RHBDD1: variants seen among roughly 807,000 people sequenced by gnomAD.
The protein encoded by RHBDD1 is rhomboid-related protein 4.
A neutral mutation model predicts 36.3 loss-of-function variants in RHBDD1; 38 were observed. That is an observed-to-expected ratio of 1.05 (90% CI 0.81 to 1.37). The LOEUF (loss-of-function observed/expected upper bound fraction) is 1.37, where lower values mean the gene tolerates loss of function less well. RHBDD1 is among the 40% of genes most tolerant of loss of function. RHBDD1 has a pLI of 0.00. For synonymous variants in RHBDD1, 151 were observed against 136.5 expected (o/e 1.11, Z -0.74); for missense variants, 393 against 377.6 (o/e 1.04, Z -0.34).
intron 5 of RHBDD1, among the ~76,000 whole-genome samples, chr2:226,895,416 G>A (rs2125537715): frequency 6.6e-6 from 1 of 152,284 alleles, no homozygotes; most frequent in South Asian, 2.1e-4. Context: ...TTGCAGAGAA[G>A]ATGGAGAGGA....
At chr2:226,847,949 T>C (rs1942401132) in intron 3 of RHBDD1, among the ~76,000 whole-genome samples, 1 of 152,182 alleles carries the variant, frequency 6.6e-6, no homozygotes, top group Admixed American at 6.5e-5. Context: ...CCTAAAGTCC[T>C]CCCAGCCAGA....
At chr2:226,817,571 C>T in the RHBDD1 span, among the ~76,000 whole-genome samples, 1 of 152,174 alleles carries the variant, frequency 6.6e-6, no homozygotes, top group South Asian at 2.1e-4. Flanking sequence ...TGTAATTGAA[C>T]AACCCAAATA....
chr2:226,844,219 A>G (rs533017815), intron 3 of RHBDD1, among the ~76,000 whole-genome samples: 97 of 152,320 alleles, frequency 6.4e-4, no homozygotes, highest in African/African-American at 2.2e-3. Context: ...TATTATTCCA[A>G]CTTTGGTCAC....
chr2:226,973,644 A>T (rs1954003034), intron 8 of RHBDD1, among the ~76,000 whole-genome samples: 1 of 152,226 alleles, frequency 6.6e-6, no homozygotes, highest in Non-Finnish European at 1.5e-5. Flanking sequence ...TTCCAGAGAC[A>T]AAGGTAAGTT....
chr2:226,958,774 G>A (rs1010692780), intron 8 of RHBDD1, among the ~76,000 whole-genome samples: 3 of 148,842 alleles, frequency 2.0e-5, no homozygotes, highest in African/African-American at 4.9e-5. Context: ...TTTTAAAGAC[G>A]CCAGGTTCTT....
intron 8 of RHBDD1, among the ~76,000 whole-genome samples, chr2:226,940,094 C>T (rs904269919): frequency 3.9e-5 from 6 of 152,146 alleles, no homozygotes; most frequent in African/African-American, 9.7e-5. Context: ...CCCTTCCCTA[C>T]ACCTTATAAA....
At chr2:226,811,716 C>G in the RHBDD1 span, among the ~76,000 whole-genome samples, 1 of 152,204 alleles carries the variant, frequency 6.6e-6, no homozygotes, top group Admixed American at 6.5e-5. Context: ...GACATTCGAC[C>G]AGTGCTTTCT....
chr2:226,986,120 A>G (rs1489644414), intron 8 of RHBDD1, among the ~76,000 whole-genome samples: 3 of 152,210 alleles, frequency 2.0e-5, no homozygotes, highest in Non-Finnish European at 4.4e-5. Flanking sequence ...TAGCAGACAA[A>G]CCAGACCGAA....
At chr2:226,908,963 T>C in intron 7 of RHBDD1, 85 bp downstream of exon 7, 1 of 864,212 alleles carries the variant, frequency 1.2e-6, no homozygotes, top group Non-Finnish European at 1.9e-6. Flanking sequence ...AGGATACTAC[T>C]AGTTTCTGCT....
chr2:226,819,624 C>A, the RHBDD1 span, among the ~76,000 whole-genome samples: 23 of 152,186 alleles, frequency 1.5e-4, no homozygotes, highest in African/African-American at 5.3e-4. Flanking sequence ...TTGCTGTGAA[C>A]CTAAAACTGC....
intron 8 of RHBDD1, among the ~76,000 whole-genome samples, chr2:226,993,315 G>A (rs1958683294): frequency 6.6e-6 from 1 of 152,218 alleles, no homozygotes; most frequent in African/African-American, 2.4e-5. Flanking sequence ...GAGTCAGGGT[G>A]CCACGTCGAG....
At chr2:226,919,980 T>G (rs977304367) in intron 8 of RHBDD1, among the ~76,000 whole-genome samples, 1 of 152,048 alleles carries the variant, frequency 6.6e-6, no homozygotes, top group African/African-American at 2.4e-5. Context: ...CCACTTTTTG[T>G]GTCTGCTTCA....
intron 5 of RHBDD1, among the ~76,000 whole-genome samples, chr2:226,884,326 G>A (rs888678949): frequency 1.3e-5 from 2 of 152,094 alleles, no homozygotes; most frequent in Non-Finnish European, 2.9e-5. Context: ...TTGGGGCTAT[G>A]AGTTGAAATC....
chr2:226,864,785 C>T lies in RHBDD1; in HGVS notation c.92C>T (p.Thr31Ile). Residue 31 changes from threonine (T) to isoleucine (I), a missense_variant, in exon 4 of 9, where the codon ACC becomes ATC. Physicochemically the swap from Thr to Ile is moderately conservative, Grantham distance 89. Transcript: ENST00000392062. ...GGGATCAACAATATTCCACCTGTCA[C>T]CCTAGCAACTTTGGCCCTCAACATC... ...HVGINNIPPV[T>I]LATLALNIWF... is the part of the protein sequence containing the mutation. 5.6e-6 allele frequency: 9 copies of T among 1,614,196 alleles called. No homozygotes were observed. Among genetic ancestry groups the T allele is most frequent in the South Asian group, 1.1e-5 (1 of 91,076 alleles).
chr2:226,811,496 T>C, the RHBDD1 span, among the ~76,000 whole-genome samples: 4 of 152,052 alleles, frequency 2.6e-5, no homozygotes, highest in African/African-American at 9.7e-5. Context: ...AGAGACTGGG[T>C]TTTGCCATGT....
chr2:226,914,741 C>G (rs1948777327), intron 8 of RHBDD1: 1 of 154,298 alleles, frequency 6.5e-6, no homozygotes, highest in Admixed American at 6.4e-5. Context: ...TCCGACAAAT[C>G]TCCCTCAGCA....
chr2:226,897,067 G>A (rs1947155399), intron 5 of RHBDD1, among the ~76,000 whole-genome samples: 1 of 152,116 alleles, frequency 6.6e-6, no homozygotes, highest in Non-Finnish European at 1.5e-5. Context: ...CCTCCCAAAT[G>A]CTAGGTTTAC....
chr2:226,873,001 T>C (rs1374890640), intron 5 of RHBDD1, among the ~76,000 whole-genome samples: 1 of 152,208 alleles, frequency 6.6e-6, no homozygotes, highest in Non-Finnish European at 1.5e-5. Flanking sequence ...AAGTGAGTCC[T>C]CTTCTTACAG....
intron 5 of RHBDD1, among the ~76,000 whole-genome samples, chr2:226,870,020 C>T (rs150052199): frequency 2.0e-5 from 3 of 152,272 alleles, no homozygotes; most frequent in East Asian, 3.9e-4. Context: ...TGTGTGTTCT[C>T]GTCTGAGCCT....
Sources: gnomAD v4.1 joint callset for allele counts (sites outside exome capture counted in the v4.1 genomes callset) on GRCh38, gnomAD v4.1.1 for gene constraint, MANE v1.5 for transcripts, NCBI Gene and HGNC (gene_info 2026-07-23, HGNC 2026-07-21) for gene names.